Variants in SNX30 observed in about 807,000 individuals in gnomAD.
The protein encoded by SNX30 is sorting nexin-30.
A neutral mutation model predicts 46.4 loss-of-function variants in SNX30; 24 were observed. That is an observed-to-expected ratio of 0.52 (90% CI 0.37 to 0.73). The LOEUF is 0.73. SNX30 is among the 30% of genes least tolerant of loss of function. The probability of loss-of-function intolerance (pLI) is 0.00; values close to 1 mark genes in which losing one functional copy is unlikely to be tolerated. For synonymous variants in SNX30, 189 were observed against 211.5 expected (o/e 0.89, Z 0.92); for missense variants, 533 against 555.7 (o/e 0.96, Z 0.41).
chr9:112,831,642 T>C (rs1840661013), intron 4 of SNX30, among the ~76,000 whole-genome samples: 1 of 152,244 alleles, frequency 6.6e-6, no homozygotes, highest in South Asian at 2.1e-4. Context: ...ACCGTCCCTG[T>C]GTATCAGACT....
chr9:112,832,473 TGTG>T (rs1840678114), intron 4 of SNX30, among the ~76,000 whole-genome samples: 1 of 112,480 alleles, frequency 8.9e-6, no homozygotes, highest in Non-Finnish European at 1.8e-5. Context: ...TGTGTGTGTG[TGTG>T]TGTGTGTGTG....
chr9:112,838,789 T>C (rs938310752), intron 6 of SNX30, 92 bp downstream of exon 6: 3 of 1,254,998 alleles, frequency 2.4e-6, no homozygotes, highest in Non-Finnish European at 3.4e-6. Context: ...GCATGTGATA[T>C]AAGTTTCCTT....
intron 6 of SNX30, among the ~76,000 whole-genome samples, chr9:112,840,250 T>C (rs1840833676): frequency 6.6e-6 from 1 of 152,218 alleles, no homozygotes; most frequent in South Asian, 2.1e-4. Flanking sequence ...AGATTTGAGA[T>C]CATTAGCCTG....
At chr9:112,752,541 G>T (rs1163053391) in intron 1 of SNX30, among the ~76,000 whole-genome samples, 1 of 152,110 alleles carries the variant, frequency 6.6e-6, no homozygotes, top group Non-Finnish European at 1.5e-5. Flanking sequence ...GGAGTTCAAG[G>T]CTGCAGTGAG....
chr9:112,827,374 T>C (rs372194510), intron 3 of SNX30, among the ~76,000 whole-genome samples: 35 of 152,324 alleles, frequency 2.3e-4, no homozygotes, highest in African/African-American at 6.7e-4. Flanking sequence ...AACTTGACGG[T>C]AGGCAAACAG....
chr9:112,761,185 C>T (rs960482231), intron 1 of SNX30, among the ~76,000 whole-genome samples: 4 of 152,102 alleles, frequency 2.6e-5, no homozygotes, highest in East Asian at 3.9e-4. Context: ...GTTTTTGAGA[C>T]GGAGTCTCGC....
At position 112,858,166 on chromosome 9, in the gene SNX30, G is replaced by T. The variant is rs908164748; in HGVS notation, c.1102-6081G>T. 3.3e-5 allele frequency among the ~76,000 whole-genome samples: 5 copies of T among 152,100 alleles called. 1 individual carries two copies. Among genetic ancestry groups the T allele is most frequent in the African/African-American group, 9.7e-5 (4 of 41,406 alleles). On this transcript the variant is annotated intron_variant, in intron 7 of 8. Transcript: ENST00000374232. ...TGTGCCATGTCAACATCCTTCAGAC[G>T]CATGGTAGCACAACCGTAACAATAC...
chr9:112,807,707 T>C (rs917746837), intron 2 of SNX30, among the ~76,000 whole-genome samples: 2 of 152,232 alleles, frequency 1.3e-5, no homozygotes, highest in African/African-American at 4.8e-5. Flanking sequence ...TCCCCTCAGC[T>C]TCTTGATTTT....
intron 1 of SNX30, among the ~76,000 whole-genome samples, chr9:112,762,965 G>A (rs550756636): frequency 6.6e-6 from 1 of 152,296 alleles, no homozygotes; most frequent in African/African-American, 2.4e-5. Flanking sequence ...GGCTGCTTGG[G>A]TGGGGTGTTT....
downstream of SNX30, chr9:112,885,424 GTATATATATATATGTGTA>G (rs1470286171): frequency 5.2e-5 from 5 of 96,128 alleles, no homozygotes; most frequent in East Asian, 6.1e-4. Flanking sequence ...TTCTGTGTGT[GTATATATATATATGTGTA>G]TATATATATA....
rs778742137 is a variant in SNX30, at chr9:112,868,767, G to A, written c.1255-17G>A. Reference sequence around the variant, plus strand: ...GAAACTCAAAGCTGATACTGTGTGTGTATGTTGTCGTTCCAGTGCCTCATG... The same window carrying A: ...GAAACTCAAAGCTGATACTGTGTGTATATGTTGTCGTTCCAGTGCCTCATG... On this transcript the variant is annotated splice_polypyrimidine_tract_variant and intron_variant, in intron 8 of 8. Transcript: ENST00000374232. 6.2e-7 allele frequency: 1 copy of A among 1,613,922 alleles called. No homozygotes were observed. Among genetic ancestry groups the A allele is most frequent in the South Asian group, 1.1e-5 (1 of 91,076 alleles).
chr9:112,868,716 G>A, intron 8 of SNX30, 68 bp from the exon 9 acceptor site: 2 of 1,541,910 alleles, frequency 1.3e-6, no homozygotes, highest in South Asian at 1.1e-5. Context: ...GTAGGTCAGA[G>A]CAGAATTGAA....
intron 3 of SNX30, among the ~76,000 whole-genome samples, chr9:112,826,839 G>C (rs1023682184): frequency 6.6e-6 from 1 of 152,196 alleles, no homozygotes; most frequent in Admixed American, 6.5e-5. Context: ...TTATCCTAAA[G>C]GACAGCCATA....
At chr9:112,847,834 G>A (rs958994124) in intron 6 of SNX30, among the ~76,000 whole-genome samples, 1 of 152,192 alleles carries the variant, frequency 6.6e-6, no homozygotes, top group African/African-American at 2.4e-5. Flanking sequence ...GGCACCCTAT[G>A]TATGATTTTG....
At chr9:112,868,070 G>C (rs1482618435) in intron 8 of SNX30, among the ~76,000 whole-genome samples, 1 of 152,216 alleles carries the variant, frequency 6.6e-6, no homozygotes, top group African/African-American at 2.4e-5. Context: ...CTCTACCATG[G>C]ACAAGCTGTG....
chr9:112,763,617 G>A (rs1244542429), intron 1 of SNX30, among the ~76,000 whole-genome samples: 1 of 151,890 alleles, frequency 6.6e-6, no homozygotes, highest in Admixed American at 6.6e-5. Flanking sequence ...TTGGGAGGCC[G>A]AGGAGGGTGG....
rs899365618 is a variant in SNX30, at chr9:112,871,635, T to C, written c.*2792T>C. ...GAGGCTTGAATACATGGCAGTGGAATACAAGGCCCTCCCTAGCAGCCGCCC... is the reference window on the plus strand; with the variant it reads ...GAGGCTTGAATACATGGCAGTGGAACACAAGGCCCTCCCTAGCAGCCGCCC... On this transcript the variant is annotated 3_prime_UTR_variant, in exon 9 of 9. Coordinates refer to ENST00000374232, the MANE Select transcript of SNX30 (RefSeq NM_001012994.2). 1 of 152,038 alleles carries C rather than the reference T, an allele frequency of 6.6e-6. No individual in the cohort carries two copies. Among genetic ancestry groups the C allele is most frequent in the Admixed American group, 6.5e-5 (1 of 15,270 alleles). 9.4% of individuals were successfully genotyped at this position (152,038 alleles called of 1,614,324 possible). A position where few individuals can be genotyped will look rare whatever the true frequency, so the allele number is the denominator to read the frequency against.
intron 1 of SNX30, among the ~76,000 whole-genome samples, chr9:112,751,710 G>T (rs1468277826): frequency 6.6e-6 from 1 of 152,190 alleles, no homozygotes; most frequent in East Asian, 1.9e-4. Flanking sequence ...CCGGCGGCGG[G>T]AGGAGAGCCT....
chr9:112,842,368 A>G (rs1489006763), intron 6 of SNX30, among the ~76,000 whole-genome samples: 1 of 152,124 alleles, frequency 6.6e-6, no homozygotes, highest in Non-Finnish European at 1.5e-5. Context: ...CCTTGAGGGA[A>G]CCTAATGGTG....
Sources: gnomAD v4.1 joint callset for allele counts (sites outside exome capture counted in the v4.1 genomes callset) on GRCh38, gnomAD v4.1.1 for gene constraint, MANE v1.5 for transcripts, NCBI Gene and HGNC (gene_info 2026-07-23, HGNC 2026-07-21) for gene names.